Variants in SAMD5 observed in about 807,000 individuals in gnomAD.
SAMD5 encodes the protein sterile alpha motif domain-containing protein 5.
SAMD5 carries 13 observed loss-of-function variants against 11.3 expected under a neutral mutation model. That is an observed-to-expected ratio of 1.15 (90% CI 0.75 to 1.83). The LOEUF (loss-of-function observed/expected upper bound fraction) is 1.83. Ranked by LOEUF, SAMD5 falls within the 40% of genes most tolerant of loss-of-function variation. The pLI is 0.00. For synonymous variants in SAMD5, 129 were observed against 111.3 expected (o/e 1.16, Z -1.00); for missense variants, 255 against 239.1 (o/e 1.07, Z -0.44).
At chr6:147,742,240 G>A (rs1791889898), downstream of SAMD5, among the ~76,000 whole-genome samples, 1 of 150,926 alleles carries the variant, frequency 6.6e-6, no homozygotes, top group African/African-American at 2.4e-5. Flanking sequence ...GTTCACTAGT[G>A]TGTGTGTGTT....
chr6:147,595,507 T>A (rs528287204), intron 1 of SAMD5, among the ~76,000 whole-genome samples: 129 of 150,006 alleles, frequency 8.6e-4, no homozygotes, highest in Middle Eastern at 3.5e-3. Flanking sequence ...CCGTTTTTAG[T>A]AGTGACTAAA....
intron 1 of SAMD5, among the ~76,000 whole-genome samples, chr6:147,595,287 T>G (rs148323060): frequency 6.6e-6 from 1 of 152,326 alleles, no homozygotes; most frequent in East Asian, 1.9e-4. Context: ...GCAAAAAGCT[T>G]TATATGCGAT....
At chr6:147,579,334 G>C (rs957440617) in intron 1 of SAMD5, among the ~76,000 whole-genome samples, 1 of 152,192 alleles carries the variant, frequency 6.6e-6, no homozygotes, top group Admixed American at 6.5e-5. Flanking sequence ...TGAGCATAAA[G>C]GGACAAGAGT....
chr6:147,938,173 T>C, the SAMD5 span, among the ~76,000 whole-genome samples: 2 of 152,204 alleles, frequency 1.3e-5, no homozygotes, highest in Non-Finnish European at 2.9e-5. Flanking sequence ...GAGTCAGTTA[T>C]ATTCATCACT....
At chr6:147,777,525 G>A in the SAMD5 span, among the ~76,000 whole-genome samples, 1 of 152,076 alleles carries the variant, frequency 6.6e-6, no homozygotes, top group Non-Finnish European at 1.5e-5. Context: ...GTTGTAAAAT[G>A]CACACAACAC....
chr6:147,530,395 G>C (rs573081990), intron 1 of SAMD5, among the ~76,000 whole-genome samples: 1 of 152,246 alleles, frequency 6.6e-6, no homozygotes, highest in Non-Finnish European at 1.5e-5. Flanking sequence ...GCAGCACAAA[G>C]GCGGCAGGTG....
intron 1 of SAMD5, among the ~76,000 whole-genome samples, chr6:147,635,655 A>C (rs1029855179): frequency 3.9e-5 from 6 of 152,304 alleles, no homozygotes; most frequent in Admixed American, 3.9e-4. Context: ...ACCACAGCCA[A>C]TGGAATAATA....
At chr6:147,678,601 C>T (rs1790897859) in intron 1 of SAMD5, among the ~76,000 whole-genome samples, 1 of 152,124 alleles carries the variant, frequency 6.6e-6, no homozygotes. Flanking sequence ...TCATCTATAC[C>T]TGTTACCTCT....
the SAMD5 span, among the ~76,000 whole-genome samples, chr6:147,918,949 C>A: frequency 6.6e-6 from 1 of 151,986 alleles, no homozygotes; most frequent in African/African-American, 2.4e-5. Context: ...TCGTGATCTG[C>A]CTGCCTTGGC....
At chr6:147,879,308 G>A in the SAMD5 span, among the ~76,000 whole-genome samples, 5 of 152,292 alleles carry the variant, frequency 3.3e-5, no homozygotes, top group Non-Finnish European at 4.4e-5. Context: ...ATTTATCTGC[G>A]CAGGCTGATG....
chr6:147,510,703 C>T (rs572621434), intron 1 of SAMD5, among the ~76,000 whole-genome samples: 3 of 152,158 alleles, frequency 2.0e-5, no homozygotes. Flanking sequence ...TATCTACTAC[C>T]TTGCACGTAC....
At chr6:147,921,138 G>A in the SAMD5 span, among the ~76,000 whole-genome samples, 19 of 152,112 alleles carry the variant, frequency 1.2e-4, no homozygotes, top group Admixed American at 8.5e-4. Context: ...GTGTCCTCAC[G>A]GAACTGAGAG....
the SAMD5 span, among the ~76,000 whole-genome samples, chr6:147,790,869 A>G: frequency 2.1e-5 from 3 of 141,344 alleles, no homozygotes; most frequent in Admixed American, 7.8e-5. Context: ...CAAACTTTTC[A>G]TCTGCTTCCT....
chr6:147,662,958 A>G (rs549431682), intron 1 of SAMD5, among the ~76,000 whole-genome samples: 2 of 152,336 alleles, frequency 1.3e-5, no homozygotes, highest in East Asian at 1.9e-4. Context: ...TTAATTATTA[A>G]TATTTCACAG....
chr6:147,852,407 G>T, the SAMD5 span, among the ~76,000 whole-genome samples: 1 of 152,040 alleles, frequency 6.6e-6, no homozygotes, highest in African/African-American at 2.4e-5. Context: ...GAAGACCTGA[G>T]AATAATTACG....
chr6:147,522,581 A>C (rs1422908074), intron 1 of SAMD5, among the ~76,000 whole-genome samples: 1 of 152,238 alleles, frequency 6.6e-6, no homozygotes, highest in African/African-American at 2.4e-5. Context: ...CTTTTAAAGA[A>C]AGCAGAGTGT....
intron 1 of SAMD5, among the ~76,000 whole-genome samples, chr6:147,528,894 A>G (rs1202292899): frequency 6.6e-6 from 1 of 152,232 alleles, no homozygotes; most frequent in Non-Finnish European, 1.5e-5. Context: ...AACAAGGGCC[A>G]AACAGTACCA....
the SAMD5 span, among the ~76,000 whole-genome samples, chr6:147,855,492 A>G: frequency 6.6e-6 from 1 of 152,172 alleles, no homozygotes; most frequent in Non-Finnish European, 1.5e-5. Flanking sequence ...ATCCCTTGCC[A>G]GTAAATTTTT....
the SAMD5 span, among the ~76,000 whole-genome samples, chr6:147,922,146 C>T: frequency 6.6e-6 from 1 of 152,098 alleles, no homozygotes; most frequent in African/African-American, 2.4e-5. Flanking sequence ...CTCTGAGTCC[C>T]CAGGGCCCGT....
Sources: allele counts gnomAD v4.1 joint callset (sites outside exome capture counted in the v4.1 genomes callset), GRCh38; gene constraint gnomAD v4.1.1; transcripts MANE v1.5; gene names NCBI Gene and HGNC (gene_info 2026-07-23, HGNC 2026-07-21).